Variants in EGFR observed in about 807,000 individuals in gnomAD.
EGFR encodes avian erythroblastic leukemia viral (v-erb-b) oncogene homolog.
A neutral mutation model predicts 143.0 loss-of-function variants in EGFR; 58 were observed. The observed-to-expected ratio is 0.41, with a 90% CI of 0.33 to 0.50. EGFR has a LOEUF of 0.50. Ranked by LOEUF, EGFR falls within the 20% of genes least tolerant of loss-of-function variation. EGFR has a pLI of 0.39. For synonymous variants in EGFR, 613 were observed against 594.4 expected (o/e 1.03, Z -0.45); for missense variants, 1,307 against 1,579.0 (o/e 0.83, Z 2.92).
intron 1 of EGFR, among the ~76,000 whole-genome samples, chr7:55,137,283 A>G (rs1408879157): frequency 2.0e-5 from 3 of 152,258 alleles, no homozygotes; most frequent in Non-Finnish European, 4.4e-5. Flanking sequence ...ATACCTCAGC[A>G]GCCTTTAATG....
At chr7:55,162,008 T>C (rs1785731549) in intron 13 of EGFR, among the ~76,000 whole-genome samples, 1 of 152,226 alleles carries the variant, frequency 6.6e-6, no homozygotes, top group Non-Finnish European at 1.5e-5. Context: ...CGATTCCTGG[T>C]GTGTGAAAAT....
At chr7:55,070,063 A>G (rs780615983) in intron 1 of EGFR, among the ~76,000 whole-genome samples, 2 of 152,272 alleles carry the variant, frequency 1.3e-5, no homozygotes, top group Non-Finnish European at 2.9e-5. Context: ...TGAAAAGTAC[A>G]TGAATACAAA....
At chr7:55,152,941 T>C (rs1298162042) in intron 6 of EGFR, among the ~76,000 whole-genome samples, 2 of 152,222 alleles carry the variant, frequency 1.3e-5, no homozygotes, top group South Asian at 2.1e-4. Flanking sequence ...AATGATGAGA[T>C]GCCTGTGATG....
intron 1 of EGFR, among the ~76,000 whole-genome samples, chr7:55,041,396 G>A (rs1787891095): frequency 6.6e-6 from 1 of 152,032 alleles, no homozygotes. Flanking sequence ...GGGCAAAAGA[G>A]CGACACTCCA....
In EGFR at chr7:55,161,584, T is replaced by C. The variant is rs765534683; in HGVS notation, c.1584T>C (p.Asn528=). The change falls in exon 13 of 28, where the codon AAT becomes AAC. Residue 528 remains asparagine, a synonymous_variant. Coordinates refer to ENST00000275493, the MANE Select transcript of EGFR (RefSeq NM_005228.5). The part of the protein sequence containing the change: ...PEPRDCVSCR[N]VSRGRECVDK... ...CCAGGGACTGCGTCTCTTGCCGGAA[T>C]GTCAGCCGAGGCAGGGAATGCGTGG... 5 of 1,614,264 alleles carry C rather than the reference T, an allele frequency of 3.1e-6. No homozygotes were observed. In the South Asian group the frequency reaches 3.3e-5, roughly 11 times the overall value.
At chr7:55,073,231 C>G (rs1327055115) in intron 1 of EGFR, among the ~76,000 whole-genome samples, 1 of 152,242 alleles carries the variant, frequency 6.6e-6, no homozygotes, top group African/African-American at 2.4e-5. Context: ...ATATTGCAGA[C>G]AGCATAGTGC....
rs1412517681 is a variant in EGFR, at chr7:55,154,083, A to T, written c.820A>T (p.Thr274Ser). Residue 274 changes from threonine (T) to serine (S), a missense_variant, in exon 7 of 28, where the codon ACG becomes TCG. By Grantham distance (58) the Thr-to-Ser change is moderately conservative (BLOSUM62 1). Coordinates refer to ENST00000275493, the MANE Select transcript of EGFR (RefSeq NM_005228.5). ...CPPLMLYNPTTYQMDVNPEGK... is the reference protein window; with the variant it reads ...CPPLMLYNPTSYQMDVNPEGK... Reference sequence around the variant, plus strand: ...CCCACTCATGCTCTACAACCCCACCACGTACCAGATGGATGTGAACCCCGA... The same window carrying T: ...CCCACTCATGCTCTACAACCCCACCTCGTACCAGATGGATGTGAACCCCGA... 6.2e-7 allele frequency: 1 copy of T among 1,614,146 alleles called. No individual in the cohort carries two copies. The highest frequency in any genetic ancestry group is 8.5e-7 in the Non-Finnish European group (1 of 1,180,022).
At chr7:55,088,620 C>T (rs1354509172) in intron 1 of EGFR, among the ~76,000 whole-genome samples, 8 of 152,188 alleles carry the variant, frequency 5.3e-5, no homozygotes, top group Non-Finnish European at 1.0e-4. Context: ...TCTGGGCATG[C>T]GACCTTTCCC....
At chr7:55,037,230 A>G (rs749326098) in intron 1 of EGFR, among the ~76,000 whole-genome samples, 8 of 152,184 alleles carry the variant, frequency 5.3e-5, no homozygotes, top group Non-Finnish European at 7.3e-5. Context: ...ATTCAACTCA[A>G]TAGGCATGTG....
chr7:55,090,893 T>C (rs1176490052), intron 1 of EGFR, among the ~76,000 whole-genome samples: 1 of 152,266 alleles, frequency 6.6e-6, no homozygotes, highest in East Asian at 1.9e-4. Context: ...CTGATGTTGA[T>C]GGACCCAACC....
intron 23 of EGFR, among the ~76,000 whole-genome samples, 174 bp downstream of exon 23, chr7:55,199,037 C>T (rs1039142821): frequency 2.0e-5 from 3 of 152,230 alleles, no homozygotes; most frequent in Non-Finnish European, 4.4e-5. Flanking sequence ...AAAGACACTT[C>T]TTGACTCATT....
rs1051058905 is a variant in EGFR at position 55,211,134 on chromosome 7, C to G, written c.*5517C>G. The G allele has an allele frequency of 1.3e-5, 2 of 152,156 alleles. No homozygotes were observed. Among genetic ancestry groups the G allele is most frequent in the Non-Finnish European group, 2.9e-5 (2 of 68,044 alleles). 9.4% of individuals were successfully genotyped at this position (152,156 alleles called of 1,614,324 possible). A position where few individuals can be genotyped will look rare whatever the true frequency, so the allele number is the denominator to read the frequency against. On this transcript the variant is annotated 3_prime_UTR_variant, in exon 28 of 28. Transcript: ENST00000275493. ...CTGCAAGTCTGTCCTATCTGAATTCCCAGCAGAAGCACTAAGAAGCTCCAC... is the reference window on the plus strand; with the variant it reads ...CTGCAAGTCTGTCCTATCTGAATTCGCAGCAGAAGCACTAAGAAGCTCCAC...
At chr7:55,130,130 A>C (rs1793750275) in intron 1 of EGFR, among the ~76,000 whole-genome samples, 1 of 152,188 alleles carries the variant, frequency 6.6e-6, no homozygotes, top group African/African-American at 2.4e-5. Flanking sequence ...TCTCTGAGAC[A>C]TGGCAAGCGC....
At chr7:55,061,709 A>G (rs1279300904) in intron 1 of EGFR, among the ~76,000 whole-genome samples, 3 of 151,794 alleles carry the variant, frequency 2.0e-5, no homozygotes, top group African/African-American at 4.8e-5. Flanking sequence ...TTCATTTTCC[A>G]TATGTGAATT....
chr7:55,048,649 A>G (rs1490016566), intron 1 of EGFR, among the ~76,000 whole-genome samples: 1 of 152,196 alleles, frequency 6.6e-6, no homozygotes, highest in African/African-American at 2.4e-5. Flanking sequence ...CAAGTGTCAG[A>G]TTACTCAACT....
chr7:55,189,651 A>C (rs1452294689), intron 20 of EGFR, among the ~76,000 whole-genome samples: 1 of 152,192 alleles, frequency 6.6e-6, no homozygotes, highest in African/African-American at 2.4e-5. Flanking sequence ...GGTCCTCTGC[A>C]TGGGGACTTG....
intron 1 of EGFR, among the ~76,000 whole-genome samples, chr7:55,101,501 C>T (rs539313404): frequency 2.0e-5 from 3 of 152,270 alleles, no homozygotes; most frequent in East Asian, 3.9e-4. Context: ...TAACCTGTCA[C>T]GAATCCATGA....
chr7:55,136,298 A>G (rs1223225164), intron 1 of EGFR, among the ~76,000 whole-genome samples: 1 of 152,180 alleles, frequency 6.6e-6, no homozygotes, highest in African/African-American at 2.4e-5. Context: ...CTGGCCTTTA[A>G]AGCCTAATTA....
chr7:55,174,605 C>T (rs2128954328), intron 18 of EGFR, 117 bp from the exon 19 acceptor site: 1 of 897,708 alleles, frequency 1.1e-6, no homozygotes, highest in African/African-American at 1.6e-5. Context: ...GGCTCCACAG[C>T]CCCAGTGTCC....
Sources: allele counts gnomAD v4.1 joint callset (sites outside exome capture counted in the v4.1 genomes callset), GRCh38; gene constraint gnomAD v4.1.1; transcripts MANE v1.5; gene names NCBI Gene and HGNC (gene_info 2026-07-23, HGNC 2026-07-21).